Variants in ATRNL1 observed in about 807,000 individuals in gnomAD.
The protein encoded by ATRNL1 is attractin like 1.
A neutral mutation model predicts 182.7 loss-of-function variants in ATRNL1; 95 were observed. That is an observed-to-expected ratio of 0.52 (90% confidence interval 0.44 to 0.62). The LOEUF (loss-of-function observed/expected upper bound fraction) is 0.62, where lower values mean the gene tolerates loss of function less well. Among genes scored for constraint, ATRNL1 ranks in the 20% least tolerant of loss-of-function variants. The pLI, the probability that ATRNL1 is intolerant of heterozygous loss-of-function variation, is 0.00. For synonymous variants in ATRNL1, 576 were observed against 568.3 expected (o/e 1.01, Z -0.19); for missense variants, 1,471 against 1,679.5 (o/e 0.88, Z 2.17).
intron 27 of ATRNL1, among the ~76,000 whole-genome samples, chr10:115,748,552 A>G (rs1400169785): frequency 2.6e-5 from 4 of 151,758 alleles, no homozygotes; most frequent in African/African-American, 9.7e-5. Context: ...CAATCACCCT[A>G]TGCTGTATGT....
intron 13 of ATRNL1, among the ~76,000 whole-genome samples, chr10:115,269,000 C>A (rs782789388): frequency 3.9e-5 from 6 of 152,152 alleles, no homozygotes; most frequent in Non-Finnish European, 8.8e-5. Context: ...CTGCTATTGG[C>A]ATCTAATAGG....
At chr10:115,241,452 T>C in intron 9 of ATRNL1, 119 bp from the exon 10 acceptor site, 1 of 543,726 alleles carries the variant, frequency 1.8e-6, no homozygotes, top group Non-Finnish European at 3.0e-6. Flanking sequence ...AAAATATGTT[T>C]TTTTCCCCCA....
chr10:115,193,072 C>T (rs1554890221), intron 8 of ATRNL1, among the ~76,000 whole-genome samples: 1 of 151,876 alleles, frequency 6.6e-6, no homozygotes, highest in Non-Finnish European at 1.5e-5. Context: ...TTTCTCTTGT[C>T]TAATTGCTGT....
At chr10:115,611,827 T>C (rs570428701) in intron 26 of ATRNL1, among the ~76,000 whole-genome samples, 1 of 152,162 alleles carries the variant, frequency 6.6e-6, no homozygotes, top group African/African-American at 2.4e-5. Context: ...CAGAGCAACC[T>C]CTCCAGTAAA....
At chr10:115,246,249 T>C (rs1477034030) in intron 10 of ATRNL1, among the ~76,000 whole-genome samples, 1 of 152,136 alleles carries the variant, frequency 6.6e-6, no homozygotes, top group African/African-American at 2.4e-5. Context: ...GGCTATAAGA[T>C]GTTGTATTCA....
chr10:115,502,090 C>T (rs990904908), intron 24 of ATRNL1, among the ~76,000 whole-genome samples: 15 of 151,986 alleles, frequency 9.9e-5, no homozygotes, highest in Non-Finnish European at 1.9e-4. Context: ...AATAATTTAA[C>T]ATAACAATTA....
At chr10:115,673,688 C>A (rs1945771335) in intron 26 of ATRNL1, among the ~76,000 whole-genome samples, 1 of 152,034 alleles carries the variant, frequency 6.6e-6, no homozygotes, top group Non-Finnish European at 1.5e-5. Flanking sequence ...CAGTGATGAC[C>A]ACAATATCTC....
chr10:115,411,819 T>C (rs1845155186), intron 20 of ATRNL1, among the ~76,000 whole-genome samples: 1 of 152,174 alleles, frequency 6.6e-6, no homozygotes, highest in South Asian at 2.1e-4. Context: ...TTTTTTATTA[T>C]GTGAATTAGA....
chr10:115,324,001 T>A (rs1854735008), intron 18 of ATRNL1, among the ~76,000 whole-genome samples: 1 of 148,834 alleles, frequency 6.7e-6, no homozygotes, highest in Non-Finnish European at 1.5e-5. Flanking sequence ...ATGGTCTCGA[T>A]CTCCTGACCT....
intron 26 of ATRNL1, among the ~76,000 whole-genome samples, chr10:115,687,229 T>G (rs1398723900): frequency 6.6e-6 from 1 of 152,076 alleles, no homozygotes; most frequent in Non-Finnish European, 1.5e-5. Flanking sequence ...TCATCTTGCT[T>G]AACTGAAACT....
intron 26 of ATRNL1, among the ~76,000 whole-genome samples, chr10:115,713,857 A>G (rs1407449770): frequency 6.6e-6 from 1 of 152,170 alleles, no homozygotes; most frequent in African/African-American, 2.4e-5. Flanking sequence ...AGTTGCCCCA[A>G]GTTTGGGACT....
At chr10:115,526,984 C>A (rs1277424014) in intron 25 of ATRNL1, among the ~76,000 whole-genome samples, 2 of 152,028 alleles carry the variant, frequency 1.3e-5, no homozygotes, top group Non-Finnish European at 2.9e-5. Flanking sequence ...GTATTTCTGC[C>A]ATGTTTAGTC....
chr10:115,318,201 A>T (rs571242835), intron 18 of ATRNL1, among the ~76,000 whole-genome samples: 1 of 152,236 alleles, frequency 6.6e-6, no homozygotes, highest in East Asian at 1.9e-4. Flanking sequence ...ACGTTTATTG[A>T]TTTGCATATG....
rs114761089 is a variant in ATRNL1, at chr10:115,510,498, A to G, written c.3655-8765A>G. Among the ~76,000 whole-genome samples the G allele has an allele frequency of 3.3e-3, 502 of 152,156 alleles. 1 individual carries two copies. The highest frequency in any genetic ancestry group is 0.011 in the African/African-American group (457 of 41,550). On this transcript the variant is annotated intron_variant, in intron 24 of 28. Coordinates refer to ENST00000355044, the MANE Select transcript of ATRNL1 (RefSeq NM_207303.4). Reference sequence around the variant, plus strand: ...CCACCAGCAAAAAGAAAACATGCTAAAGGCTCAGATGATCATTAGCAGTTT... The same window carrying G: ...CCACCAGCAAAAAGAAAACATGCTAGAGGCTCAGATGATCATTAGCAGTTT...
intron 27 of ATRNL1, among the ~76,000 whole-genome samples, chr10:115,777,129 A>G (rs1486352367): frequency 2.0e-5 from 3 of 152,210 alleles, no homozygotes; most frequent in Non-Finnish European, 4.4e-5. Context: ...CAAAATATTA[A>G]GAATTGTAGA....
At chr10:115,825,448 G>A (rs1326779210) in intron 27 of ATRNL1, among the ~76,000 whole-genome samples, 2 of 152,052 alleles carry the variant, frequency 1.3e-5, no homozygotes, top group African/African-American at 4.8e-5. Context: ...AAAGGACCTA[G>A]CGTATATAGA....
chr10:115,112,876 A>C (rs960995392), intron 1 of ATRNL1, among the ~76,000 whole-genome samples: 6 of 152,226 alleles, frequency 3.9e-5, no homozygotes, highest in South Asian at 2.1e-4. Context: ...TTCTGAATGC[A>C]AATTAAAGTT....
intron 28 of ATRNL1, among the ~76,000 whole-genome samples, chr10:115,889,058 C>A (rs932966388): frequency 1.3e-5 from 2 of 152,178 alleles, no homozygotes; most frequent in Admixed American, 1.3e-4. Flanking sequence ...AGGACAAGAT[C>A]TAAGCCCAAA....
intron 17 of ATRNL1, among the ~76,000 whole-genome samples, chr10:115,311,743 T>C (rs1749820609): frequency 6.6e-6 from 1 of 152,214 alleles, no homozygotes; most frequent in Admixed American, 6.5e-5. Flanking sequence ...GTCTATCTCT[T>C]TCTTAGGTCT....
Sources: gnomAD v4.1 joint callset for allele counts (sites outside exome capture counted in the v4.1 genomes callset) on GRCh38, gnomAD v4.1.1 for gene constraint, MANE v1.5 for transcripts, NCBI Gene and HGNC (gene_info 2026-07-23, HGNC 2026-07-21) for gene names.